The following NIPA2 variants were observed in gnomAD, a reference collection of about 807,000 sequenced individuals.
NIPA2 encodes the protein magnesium transporter NIPA2.
Under a neutral mutation model 29.7 loss-of-function variants are expected in NIPA2, and 11 were observed. The ratio of observed to expected loss-of-function variants is 0.37; its 90% CI spans 0.23 to 0.61. NIPA2 has a LOEUF of 0.61. NIPA2 is among the 20% of genes least tolerant of loss of function. NIPA2 has a pLI of 0.66. For missense variants in NIPA2, 426 were observed against 437.9 expected (o/e 0.97, Z 0.24); for synonymous variants, 183 against 161.9 (o/e 1.13, Z -0.99).
intron 3 of NIPA2, among the ~76,000 whole-genome samples, chr15:22,846,349 A>G (rs1244482780): frequency 6.6e-6 from 1 of 151,998 alleles, no homozygotes; most frequent in Non-Finnish European, 1.5e-5. Flanking sequence ...TGAGGCCATT[A>G]AAAGCTCCTG....
intron 4 of NIPA2, among the ~76,000 whole-genome samples, chr15:22,853,003 C>CT (rs2057888570): frequency 6.6e-6 from 1 of 152,146 alleles, no homozygotes; most frequent in Admixed American, 6.5e-5. Context: ...AAGAGGTGCT[C>CT]TCACTGTTCA....
chr15:22,842,815 C>T (rs969152369), intron 2 of NIPA2, among the ~76,000 whole-genome samples: 4 of 150,506 alleles, frequency 2.7e-5, no homozygotes, highest in East Asian at 1.9e-4. Flanking sequence ...GGGGATAGAG[C>T]GAGACTCTGC....
intron 3 of NIPA2, among the ~76,000 whole-genome samples, chr15:22,850,072 G>C (rs1198044041): frequency 6.6e-6 from 1 of 152,012 alleles, no homozygotes; most frequent in Non-Finnish European, 1.5e-5. Context: ...ACCCATCACT[G>C]AATCCCCATT....
chr15:22,859,361 C>T lies in NIPA2; in HGVS notation c.287+731C>T, dbSNP rs1469414396. On this transcript the variant is annotated intron_variant, in intron 6 of 7. Coordinates refer to ENST00000337451, the MANE Select transcript of NIPA2 (RefSeq NM_030922.7). ...ACGCTGGAGTGCAGTGGCACGATCT[C>T]GGCTCCCTGCAAGCTCCACCTCCCG... 7.6e-5 allele frequency among the ~76,000 whole-genome samples: 11 copies of T among 144,012 alleles called. No individual in the cohort carries two copies. The East Asian group carries it at 8.2e-4, about 11-fold the overall frequency. The allele number at this position is 144,012 out of a possible 152,430, so 94.5% of individuals were successfully genotyped here.
rs934349422 is a variant in NIPA2 at position 22,851,602 on chromosome 15, A to G, written c.-93-37A>G. The G allele has an allele frequency of 1.0e-5, 7 of 677,306 alleles. No individual in the cohort carries two copies. The East Asian group carries it at 2.0e-4, about 20-fold the overall frequency. The allele number at this position is 677,306 out of a possible 1,614,324, so 42.0% of individuals were successfully genotyped here. A position where few individuals can be genotyped will look rare whatever the true frequency, so the allele number is the denominator to read the frequency against. ...GAATTGCATGTGAGCTGTCATGAGC[A>G]TTCTGTGAAAACCACATTTCATTTT... On this transcript the variant is annotated intron_variant, in intron 3 of 7. Transcript: ENST00000337451.
intron 2 of NIPA2, among the ~76,000 whole-genome samples, chr15:22,840,498 C>G (rs977119750): frequency 3.3e-5 from 5 of 151,794 alleles, no homozygotes; most frequent in African/African-American, 1.2e-4. Context: ...GGGGTTTCAC[C>G]TTGTTGGCCA....
intron 2 of NIPA2, among the ~76,000 whole-genome samples, chr15:22,840,686 T>C (rs1304159493): frequency 6.6e-6 from 1 of 152,158 alleles, no homozygotes; most frequent in East Asian, 1.9e-4. Context: ...TGTGACTCTT[T>C]TTTACCCCTG....
chr15:22,847,736 A>G (rs186955094), intron 3 of NIPA2, among the ~76,000 whole-genome samples: 89 of 152,250 alleles, frequency 5.8e-4, no homozygotes, highest in African/African-American at 2.0e-3. Flanking sequence ...TGTTGGGATT[A>G]CAGGCATGAG....
chr15:22,851,111 A>G (rs1168813285), intron 3 of NIPA2, among the ~76,000 whole-genome samples: 3 of 152,176 alleles, frequency 2.0e-5, no homozygotes, highest in African/African-American at 4.8e-5. Context: ...ACCTCTCTGC[A>G]AGAATTGTTA....
At chr15:22,855,462 C>CA (rs2058109601) in intron 5 of NIPA2, among the ~76,000 whole-genome samples, 1 of 151,862 alleles carries the variant, frequency 6.6e-6, no homozygotes, top group Non-Finnish European at 1.5e-5. Flanking sequence ...ACTGACTGTT[C>CA]AGTCAACAAA....
rs1566886016 is a variant in NIPA2 at position 22,867,246 on chromosome 15, C to T, written c.*399C>T. 1.2e-5 allele frequency: 5 copies of T among 403,986 alleles called. No homozygotes were observed. Among genetic ancestry groups the T allele is most frequent in the Non-Finnish European group, 2.2e-5 (5 of 229,740 alleles). The allele number at this position is 403,986 out of a possible 1,614,324, so 25.0% of individuals were successfully genotyped here. On this transcript the variant is annotated 3_prime_UTR_variant, in exon 8 of 8. Transcript: ENST00000337451. ...GTAAGGCTTTTTTATTTTAAAAAAA[C>T]AGAGTTATCCCAATACATTATCCTG...
At chr15:22,850,214 T>C (rs1254373521) in intron 3 of NIPA2, among the ~76,000 whole-genome samples, 1 of 152,070 alleles carries the variant, frequency 6.6e-6, no homozygotes, top group Non-Finnish European at 1.5e-5. Context: ...CTCACAGTTC[T>C]GTGAGTCACT....
intron 2 of NIPA2, among the ~76,000 whole-genome samples, chr15:22,841,582 C>G (rs551796022): frequency 6.6e-6 from 1 of 152,172 alleles, no homozygotes; most frequent in East Asian, 1.9e-4. Flanking sequence ...GATCTCGGCT[C>G]ACTGCAACCT....
chr15:22,863,824 C>T (rs187072185), intron 7 of NIPA2, among the ~76,000 whole-genome samples: 10 of 152,262 alleles, frequency 6.6e-5, no homozygotes, highest in Admixed American at 5.9e-4. Flanking sequence ...TGGGCTGATT[C>T]TTCTCTTTTC....
rs2059273417 is a variant in NIPA2, at chr15:22,868,197, C to T, written c.*1350C>T. 6.6e-6 allele frequency: 1 copy of T among 152,162 alleles called. No individual in the cohort carries two copies. The highest frequency in any genetic ancestry group is 2.1e-4 in the South Asian group (1 of 4,826). 9.4% of individuals were successfully genotyped at this position (152,162 alleles called of 1,614,324 possible). A position where few individuals can be genotyped will look rare whatever the true frequency, so the allele number is the denominator to read the frequency against. ...ACTTTATTATTGGCCTTCTAAGGAG[C>T]TGTTTTAGATGTTTTTTCTAACTGC... On this transcript the variant is annotated 3_prime_UTR_variant, in exon 8 of 8. Coordinates refer to ENST00000337451, the MANE Select transcript of NIPA2 (RefSeq NM_030922.7).
intron 2 of NIPA2, among the ~76,000 whole-genome samples, chr15:22,844,852 A>G (rs1898180579): frequency 6.6e-6 from 1 of 152,216 alleles, no homozygotes. Context: ...TTAAAACGTC[A>G]GTAGGTTATT....
intron 5 of NIPA2, among the ~76,000 whole-genome samples, chr15:22,855,878 T>A (rs1372509115): frequency 6.6e-6 from 1 of 152,184 alleles, no homozygotes; most frequent in Non-Finnish European, 1.5e-5. Context: ...TAACGTGTGA[T>A]ACATAGCCCT....
At chr15:22,852,245 T>C (rs190978969) in intron 4 of NIPA2, among the ~76,000 whole-genome samples, 121 of 152,202 alleles carry the variant, frequency 7.9e-4, no homozygotes, top group Admixed American at 2.9e-3. Flanking sequence ...GGCGGGTGGA[T>C]CACCTGAGGT....
chr15:22,851,159 C>CA (rs2057708688), intron 3 of NIPA2, among the ~76,000 whole-genome samples: 2 of 152,160 alleles, frequency 1.3e-5, no homozygotes, highest in Admixed American at 6.5e-5. Flanking sequence ...CTTCTCTCAG[C>CA]ACATCCCTGA....
Sources: allele counts gnomAD v4.1 joint callset (sites outside exome capture counted in the v4.1 genomes callset), GRCh38; gene constraint gnomAD v4.1.1; transcripts MANE v1.5; gene names NCBI Gene and HGNC (gene_info 2026-07-23, HGNC 2026-07-21).